Variants in ZNF99 observed in about 807,000 individuals in gnomAD.
ZNF99 encodes zinc finger protein ENSP00000375192.
In ZNF99, 8 loss-of-function variants were observed where a neutral mutation model predicts 12.8. That is an observed-to-expected ratio of 0.62 (90% CI 0.37 to 1.13). The LOEUF (loss-of-function observed/expected upper bound fraction) is 1.13. ZNF99 is among the 50% of genes most tolerant of loss of function. ZNF99 has a pLI of 0.02. For synonymous variants in ZNF99, 318 were observed against 319.0 expected (o/e 1.00, Z 0.03); for missense variants, 1,007 against 1,006.2 (o/e 1.00, Z -0.01).
rs1792950860 is a variant in ZNF99, at chr19:22,756,233, T to TTATG, written c.*1077_*1080dup. Reference sequence around the variant, plus strand: ...GGGCTTCTCCCCAGTATGAATTATCTTATGTTTAGTAAGGGCTGAAAGATG... The same window carrying TTATG: ...GGGCTTCTCCCCAGTATGAATTATCTTATGTATGTTTAGTAAGGGCTGAAAGATG... On this transcript the variant is annotated 3_prime_UTR_variant, in exon 4 of 4. Coordinates refer to ENST00000596209, the MANE Select transcript of ZNF99 (RefSeq NM_001080409.3). 1 of 1,568,276 alleles carries TTATG rather than the reference T, an allele frequency of 6.4e-7. No homozygotes were observed. The highest frequency in any genetic ancestry group is 8.6e-7 in the Non-Finnish European group (1 of 1,157,126).
Position 22,756,523 on chromosome 19 carries a change from C to A in ZNF99, c.*791G>T, listed in dbSNP as rs773612387. The A allele has an allele frequency of 9.4e-6, 15 of 1,595,846 alleles. No individual in the cohort carries two copies. In the South Asian group the frequency reaches 1.4e-4, roughly 15 times the overall value. ...TGAGAAATGGCTAAAAGCTTTGCCACGTTCTTCACATTTGTAGGGTTTCTC... is the reference window on the plus strand; with the variant it reads ...TGAGAAATGGCTAAAAGCTTTGCCAAGTTCTTCACATTTGTAGGGTTTCTC... On this transcript the variant is annotated 3_prime_UTR_variant, in exon 4 of 4. Transcript: ENST00000596209.
At chr19:22,763,700 G>A (rs1973173883) in intron 3 of ZNF99, among the ~76,000 whole-genome samples, 1 of 151,976 alleles carries the variant, frequency 6.6e-6, no homozygotes, top group African/African-American at 2.4e-5. Context: ...GAACAAATCT[G>A]AAGGCATCAC....
rs1599438639 is a variant in ZNF99, at chr19:22,756,267, C to T, written c.*1047G>A. 4.5e-6 allele frequency: 7 copies of T among 1,563,518 alleles called. No homozygotes were observed. The East Asian group carries it at 1.6e-4, about 37-fold the overall frequency. Reference sequence around the variant, plus strand: ...GTAAGGGCTGAAAGATGGTTAAAAGCTTTGCCACATTCTTCACATTTGTAG... The same window carrying T: ...GTAAGGGCTGAAAGATGGTTAAAAGTTTTGCCACATTCTTCACATTTGTAG... On this transcript the variant is annotated 3_prime_UTR_variant, in exon 4 of 4. Coordinates refer to ENST00000596209, the MANE Select transcript of ZNF99 (RefSeq NM_001080409.3).
At position 22,759,289 on chromosome 19, in the gene ZNF99, C is replaced by T. The variant is rs1196436948; in HGVS notation, c.620G>A (p.Gly207Asp). Reference protein sequence around the residue: ...RENIYKCEERGKAFKWFSTLI... With the variant: ...RENIYKCEERDKAFKWFSTLI... ...GGTTGAGAACCATTTAAAGGCTTTG[C>T]CACGTTCTTCACATTTGTAGATATT... is the stretch of plus-strand genomic sequence containing the variant. Residue 207 changes from glycine to aspartate, a missense_variant, in exon 4 of 4, where the codon GGC becomes GAC. Transcript: ENST00000596209. 6.5e-6 allele frequency: 10 copies of T among 1,549,790 alleles called. No homozygotes were observed. The highest frequency in any genetic ancestry group is 3.6e-5 in the South Asian group (3 of 84,242).
chr19:22,757,304 C>G lies in ZNF99; in HGVS notation c.*10G>C. 2 of 1,612,660 alleles carry G rather than the reference C, an allele frequency of 1.2e-6. No individual in the cohort carries two copies. The highest frequency in any genetic ancestry group is 2.2e-5 in the South Asian group (2 of 91,018). ...TTCTTCACATTTGTAGGGTTTCTTT[C>G]CAGTATGAATTATCTCATGTTTTCT... On this transcript the variant is annotated 3_prime_UTR_variant, in exon 4 of 4. Coordinates refer to ENST00000596209, the MANE Select transcript of ZNF99 (RefSeq NM_001080409.3).
At chr19:22,772,926 T>C (rs1405957876) in intron 1 of ZNF99, among the ~76,000 whole-genome samples, 3 of 152,190 alleles carry the variant, frequency 2.0e-5, no homozygotes, top group Non-Finnish European at 4.4e-5. Flanking sequence ...GATTCCCATG[T>C]GTACATGTCT....
intron 1 of ZNF99, among the ~76,000 whole-genome samples, chr19:22,775,257 C>A (rs1973313769): frequency 6.6e-6 from 1 of 152,102 alleles, no homozygotes; most frequent in South Asian, 2.1e-4. Flanking sequence ...GAAATAATGC[C>A]ACAGACCTAA....
rs2145135825 is a variant in ZNF99, at chr19:22,754,722, G to A, written c.*2592C>T. The stretch of plus-strand genomic sequence containing the variant: ...AAGGTTTGAGGACGTTAAAAGCTTT[G>A]CAACATTCTTCACGTTTGTAGGGTT... On this transcript the variant is annotated 3_prime_UTR_variant, in exon 4 of 4. Transcript: ENST00000596209. 7.3e-6 allele frequency: 2 copies of A among 274,484 alleles called. No individual in the cohort carries two copies. Among genetic ancestry groups the A allele is most frequent in the Non-Finnish European group, 1.5e-5 (2 of 137,782 alleles). The allele number at this position is 274,484 out of a possible 1,614,324, so 17.0% of individuals were successfully genotyped here. A position where few individuals can be genotyped will look rare whatever the true frequency, so the allele number is the denominator to read the frequency against.
Position 22,756,179 on chromosome 19 carries a change from A to G in ZNF99, c.*1135T>C, listed in dbSNP as rs758403684. ...TGTATTAAGGTTTGTAAAATGGTTG[A>G]AAGCTTTGACACATTCTTCACATTT... On this transcript the variant is annotated 3_prime_UTR_variant, in exon 4 of 4. Coordinates refer to ENST00000596209, the MANE Select transcript of ZNF99 (RefSeq NM_001080409.3). 7.7e-6 allele frequency: 12 copies of G among 1,550,998 alleles called. No homozygotes were observed. The highest frequency in any genetic ancestry group is 1.4e-5 in the African/African-American group (1 of 72,338).
chr19:22,756,368 C>T lies in ZNF99; in HGVS notation c.*946G>A, dbSNP rs745346469. On this transcript the variant is annotated 3_prime_UTR_variant, in exon 4 of 4. Coordinates refer to ENST00000596209, the MANE Select transcript of ZNF99 (RefSeq NM_001080409.3). ...GTTAAAGGCTTTGCCACATTCTTCA[C>T]ATTTGTAGGGTTTCTCTCCAGAATG... 3 of 1,596,986 alleles carry T rather than the reference C, an allele frequency of 1.9e-6. No homozygotes were observed. Among genetic ancestry groups the T allele is most frequent in the Middle Eastern group, 1.7e-4 (1 of 5,974 alleles).
rs1972999176 is a variant in ZNF99 at position 22,753,424 on chromosome 19, A to C, written c.*3890T>G. 8.1e-6 allele frequency: 1 copy of C among 124,084 alleles called. No homozygotes were observed. Among genetic ancestry groups the C allele is most frequent in the Non-Finnish European group, 1.6e-5 (1 of 64,218 alleles). 7.7% of individuals were successfully genotyped at this position (124,084 alleles called of 1,614,324 possible). ...TATTTTTCATATTTACTGCATCTAC[A>C]AAAAAAACTTACTCTGTTTTCTAAG... On this transcript the variant is annotated 3_prime_UTR_variant, in exon 4 of 4. Transcript: ENST00000596209.
Position 22,758,386 on chromosome 19 carries a change from G to T in ZNF99, c.1523C>A (p.Pro508His). The stretch of plus-strand genomic sequence containing the variant: ...TTTGCCACATTCTTCACATTTGCAA[G>T]GTTTCTCTTCCATATGAATTACCTT... ...VHKVIHMEEKPCKCEECGKAF... is the reference protein window; with the variant it reads ...VHKVIHMEEKHCKCEECGKAF... Residue 508 changes from proline (P) to histidine (H), a missense_variant, in exon 4 of 4, where the codon CCT becomes CAT. Coordinates refer to ENST00000596209, the MANE Select transcript of ZNF99 (RefSeq NM_001080409.3). The T allele has an allele frequency of 1.2e-6, 2 of 1,604,936 alleles. No individual in the cohort carries two copies. The highest frequency in any genetic ancestry group is 2.3e-5 in the East Asian group (1 of 44,434).
chr19:22,755,358 G>A lies in ZNF99; in HGVS notation c.*1956C>T. 3.8e-6 allele frequency: 1 copy of A among 260,840 alleles called. No homozygotes were observed. Among genetic ancestry groups the A allele is most frequent in the Non-Finnish European group, 8.0e-6 (1 of 125,088 alleles). The allele number at this position is 260,840 out of a possible 1,614,324, so 16.2% of individuals were successfully genotyped here. On this transcript the variant is annotated 3_prime_UTR_variant, in exon 4 of 4. Coordinates refer to ENST00000596209, the MANE Select transcript of ZNF99 (RefSeq NM_001080409.3). ...AAAACCAGTTAAAAGCTTTGCCACA[G>A]TTTTCATATTTGTAGGGTTTCTCTT...
intron 3 of ZNF99, among the ~76,000 whole-genome samples, chr19:22,766,649 T>A (rs1418345793): frequency 2.0e-5 from 3 of 149,602 alleles, no homozygotes; most frequent in Non-Finnish European, 3.0e-5. Flanking sequence ...ACTTTATTTC[T>A]TATTTCTTTT....
intron 3 of ZNF99, among the ~76,000 whole-genome samples, chr19:22,768,039 G>A (rs750798974): frequency 6.6e-6 from 1 of 152,176 alleles, no homozygotes; most frequent in Admixed American, 6.5e-5. Context: ...GTCAGATTGT[G>A]CAGTCCCTTA....
chr19:22,768,660 A>G (rs1344195894), intron 2 of ZNF99, among the ~76,000 whole-genome samples: 2 of 152,132 alleles, frequency 1.3e-5, no homozygotes, highest in East Asian at 1.9e-4. Context: ...AATTTCTTCA[A>G]TTTTCACTAA....
At chr19:22,771,859 A>G (rs1423588737) in intron 1 of ZNF99, among the ~76,000 whole-genome samples, 1 of 145,406 alleles carries the variant, frequency 6.9e-6, no homozygotes, top group Non-Finnish European at 1.5e-5. Flanking sequence ...CTGGGATTAC[A>G]GGCGTGTGCC....
At chr19:22,780,648 G>A (rs902184594) in intron 1 of ZNF99, among the ~76,000 whole-genome samples, 1 of 149,360 alleles carries the variant, frequency 6.7e-6, no homozygotes, top group African/African-American at 2.5e-5. Context: ...CCAAGATCGT[G>A]CCATTGCACT....
chr19:22,765,506 T>G (rs1973193966), intron 3 of ZNF99, among the ~76,000 whole-genome samples: 1 of 151,220 alleles, frequency 6.6e-6, no homozygotes, highest in Non-Finnish European at 1.5e-5. Flanking sequence ...TAAAAAAAAA[T>G]AAAGTAGTAC....
Sources: gnomAD v4.1 joint callset for allele counts (sites outside exome capture counted in the v4.1 genomes callset) on GRCh38, gnomAD v4.1.1 for gene constraint, MANE v1.5 for transcripts, NCBI Gene and HGNC (gene_info 2026-07-23, HGNC 2026-07-21) for gene names.